The following PIAS1 variants were observed in gnomAD, a reference collection of about 807,000 sequenced individuals.
The protein encoded by PIAS1 is E3 SUMO-protein ligase PIAS1.
PIAS1 carries 6 observed loss-of-function variants against 71.3 expected under a neutral mutation model. That is an observed-to-expected ratio of 0.08 (90% confidence interval 0.05 to 0.17). PIAS1 has a LOEUF of 0.17. Among genes scored for constraint, PIAS1 ranks in the 10% least tolerant of loss-of-function variants. PIAS1 has a pLI of 1.00. For missense variants in PIAS1, 555 were observed against 793.6 expected (o/e 0.70, Z 3.61); for synonymous variants, 303 against 292.9 (o/e 1.03, Z -0.35).
At chr15:68,131,179 T>A (rs1355943369) in intron 2 of PIAS1, among the ~76,000 whole-genome samples, 1 of 152,172 alleles carries the variant, frequency 6.6e-6, no homozygotes, top group Non-Finnish European at 1.5e-5. Flanking sequence ...ATTAATAATT[T>A]TTTTAAAAAG....
intron 6 of PIAS1, among the ~76,000 whole-genome samples, chr15:68,148,521 T>G (rs954018582): frequency 1.3e-5 from 2 of 152,050 alleles, no homozygotes; most frequent in African/African-American, 4.8e-5. Context: ...CTCCATCCCC[T>G]GGGTTCAAGC....
chr15:68,179,825 G>A (rs1200887630), intron 11 of PIAS1, among the ~76,000 whole-genome samples: 1 of 151,606 alleles, frequency 6.6e-6, no homozygotes, highest in Non-Finnish European at 1.5e-5. Context: ...TGATCCATGC[G>A]CCTTGGCCTC....
intron 4 of PIAS1, among the ~76,000 whole-genome samples, chr15:68,145,090 G>A (rs1367036805): frequency 6.6e-6 from 1 of 152,096 alleles, no homozygotes; most frequent in Non-Finnish European, 1.5e-5. Context: ...TAGCAAAATA[G>A]TAATAAGAGT....
rs766344324 is a variant in PIAS1 at position 68,179,564 on chromosome 15, CTTTTTTTTT to C, written c.1482-1628_1482-1620del. Among the ~76,000 whole-genome samples the C allele has an allele frequency of 1.0e-3, 42 of 40,106 alleles. 1 individual carries two copies. Among genetic ancestry groups the C allele is most frequent in the East Asian group, 8.0e-3 (8 of 998 alleles). 26.3% of individuals were successfully genotyped at this position (40,106 alleles called of 152,430 possible). A position where few individuals can be genotyped will look rare whatever the true frequency, so the allele number is the denominator to read the frequency against. On this transcript the variant is annotated intron_variant, in intron 11 of 13. Coordinates refer to ENST00000249636, the MANE Select transcript of PIAS1 (RefSeq NM_016166.3). ...CAACCTTGTCATCTCGTGAAATGTTCTTTTTTTTTTTTTTTTTTTTTTTTTTTTGAGACA... is the reference window on the plus strand; with the variant it reads ...CAACCTTGTCATCTCGTGAAATGTTCTTTTTTTTTTTTTTTTTTTGAGACA...
At position 68,084,881 on chromosome 15, in the gene PIAS1, A is replaced by G. The variant is rs190030505; in HGVS notation, c.25-1425A>G. Among the ~76,000 whole-genome samples, 149 of 152,348 alleles carry G rather than the reference A, an allele frequency of 9.8e-4. 1 individual carries two copies. The highest frequency in any genetic ancestry group is 3.5e-3 in the African/African-American group (146 of 41,582). Reference sequence around the variant, plus strand: ...TGGCCTTTGTAAAAATAGTGAGAGTAAAGATCATCCTACCAAGGCTAATGG... The same window carrying G: ...TGGCCTTTGTAAAAATAGTGAGAGTGAAGATCATCCTACCAAGGCTAATGG... On this transcript the variant is annotated intron_variant, in intron 1 of 13. Coordinates refer to ENST00000249636, the MANE Select transcript of PIAS1 (RefSeq NM_016166.3).
At chr15:68,061,781 A>T (rs2130270) in intron 1 of PIAS1, among the ~76,000 whole-genome samples, 3,951 of 152,296 alleles carry the variant, frequency 0.026, 169 homozygotes, top group African/African-American at 0.089. Flanking sequence ...CTGGATAAAG[A>T]CTTAGTTCTC....
intron 1 of PIAS1, among the ~76,000 whole-genome samples, chr15:68,068,043 G>A (rs976972950): frequency 5.9e-5 from 9 of 152,250 alleles, no homozygotes; most frequent in East Asian, 5.8e-4. Context: ...GGAGGATTCC[G>A]TAGGAGAAGG....
intron 1 of PIAS1, among the ~76,000 whole-genome samples, chr15:68,057,129 CAGAT>C (rs2091904637): frequency 1.3e-5 from 2 of 152,056 alleles, no homozygotes; most frequent in African/African-American, 2.4e-5. Flanking sequence ...ATGGGAAAAA[CAGAT>C]AGATCTTTAT....
chr15:68,177,077 T>C (rs1430003476), intron 11 of PIAS1, among the ~76,000 whole-genome samples: 2 of 151,936 alleles, frequency 1.3e-5, no homozygotes, highest in African/African-American at 4.8e-5. Flanking sequence ...CTCAGGAGTT[T>C]GAGACCAGCC....
intron 2 of PIAS1, among the ~76,000 whole-genome samples, chr15:68,127,221 G>C (rs2092657391): frequency 6.6e-6 from 1 of 152,134 alleles, no homozygotes. Context: ...ACCGCGCCTG[G>C]TCATTTTTTA....
chr15:68,168,163 C>G (rs1008349208), intron 8 of PIAS1, among the ~76,000 whole-genome samples: 1 of 151,864 alleles, frequency 6.6e-6, no homozygotes, highest in African/African-American at 2.4e-5. Flanking sequence ...CGCCTGTCAC[C>G]ACGCCCGGCT....
At chr15:68,084,178 C>T (rs1262132933) in intron 1 of PIAS1, among the ~76,000 whole-genome samples, 1 of 152,128 alleles carries the variant, frequency 6.6e-6, no homozygotes, top group Non-Finnish European at 1.5e-5. Flanking sequence ...ACAGTAGTCA[C>T]TGAATTTTGC....
chr15:68,131,820 G>T (rs1054956002), intron 2 of PIAS1, among the ~76,000 whole-genome samples: 4 of 152,128 alleles, frequency 2.6e-5, no homozygotes, highest in Admixed American at 6.6e-5. Flanking sequence ...GAACATGGGA[G>T]TGTAGACATC....
intron 1 of PIAS1, chr15:68,057,433 T>A: frequency 2.5e-6 from 1 of 406,046 alleles, no homozygotes; most frequent in Non-Finnish European, 4.7e-6. Context: ...TATGTGTTTT[T>A]TTGGAGTAAA....
intron 2 of PIAS1, among the ~76,000 whole-genome samples, chr15:68,135,693 G>A (rs1273257964): frequency 7.5e-5 from 5 of 66,884 alleles, no homozygotes; most frequent in South Asian, 4.4e-4. Flanking sequence ...CCTCCCGGAC[G>A]GGGTGGCTGC....
At chr15:68,076,274 G>A (rs2092163047) in intron 1 of PIAS1, among the ~76,000 whole-genome samples, 1 of 152,162 alleles carries the variant, frequency 6.6e-6, no homozygotes, top group Non-Finnish European at 1.5e-5. Context: ...ACTTTGGGAG[G>A]CCGAGGTGGG....
chr15:68,132,261 G>T (rs112003874), intron 2 of PIAS1, among the ~76,000 whole-genome samples: 3,211 of 151,778 alleles, frequency 0.021, 113 homozygotes, highest in African/African-American at 0.073. Flanking sequence ...GGCGGATCAC[G>T]AGGTCAGGAG....
chr15:68,082,980 T>C (rs753146130), intron 1 of PIAS1, among the ~76,000 whole-genome samples: 1 of 152,146 alleles, frequency 6.6e-6, no homozygotes, highest in Non-Finnish European at 1.5e-5. Flanking sequence ...TGCTCTTGCA[T>C]TCAAAATATA....
At chr15:68,113,705 A>G (rs2141012236) in intron 2 of PIAS1, among the ~76,000 whole-genome samples, 1 of 152,262 alleles carries the variant, frequency 6.6e-6, no homozygotes, top group Non-Finnish European at 1.5e-5. Flanking sequence ...GTTAAACTCC[A>G]GAGAAAAAAG....
Sources: allele counts gnomAD v4.1 joint callset (sites outside exome capture counted in the v4.1 genomes callset), GRCh38; gene constraint gnomAD v4.1.1; transcripts MANE v1.5; gene names NCBI Gene and HGNC (gene_info 2026-07-23, HGNC 2026-07-21).